ZNF503: variants seen among roughly 807,000 people sequenced by gnomAD.
ZNF503 encodes the protein zinc finger protein 503.
A neutral mutation model predicts 34.4 loss-of-function variants in ZNF503; 15 were observed. The ratio of observed to expected loss-of-function variants is 0.44; its 90% confidence interval spans 0.29 to 0.67. The LOEUF (loss-of-function observed/expected upper bound fraction) is 0.67, where lower values mean the gene tolerates loss of function less well. Among genes scored for constraint, ZNF503 ranks in the 30% least tolerant of loss-of-function variants. The pLI is 0.13. For synonymous variants in ZNF503, 580 were observed against 456.8 expected (o/e 1.27, Z -3.44); for missense variants, 1,007 against 926.8 (o/e 1.09, Z -1.12).
chr10:75,394,997 T>G (rs919684985), downstream of ZNF503, among the ~76,000 whole-genome samples: 1 of 152,330 alleles, frequency 6.6e-6, no homozygotes. Context: ...GGCCTGGGCC[T>G]TATCCGCCAG....
At position 75,399,948 on chromosome 10, in the gene ZNF503, C is replaced by T. The variant is rs1313948614; in HGVS notation, c.742G>A (p.Ala248Thr). ...PGGMLSSAGG[A>T]PEGKDDKKDT... ...TTCTTGTCGTCCTTGCCCTCCGGGGCACCCCCGGCCGAGGACAGCATACCT... is the reference window on the plus strand; with the variant it reads ...TTCTTGTCGTCCTTGCCCTCCGGGGTACCCCCGGCCGAGGACAGCATACCT... The change falls in exon 2 of 2, where the codon GCC (alanine) becomes ACC (threonine). Residue 248 changes from alanine (A) to threonine (T), a missense_variant. Physicochemically the swap from Ala to Thr is moderately conservative, Grantham distance 58. Coordinates refer to ENST00000372524, the MANE Select transcript of ZNF503 (RefSeq NM_032772.6). 6.2e-7 allele frequency: 1 copy of T among 1,606,148 alleles called. No homozygotes were observed. The highest frequency in any genetic ancestry group is 1.1e-5 in the South Asian group (1 of 90,872).
the ZNF503 span, among the ~76,000 whole-genome samples, chr10:75,293,901 G>A: frequency 2.4e-4 from 37 of 152,332 alleles, no homozygotes; most frequent in South Asian, 7.5e-3. Context: ...AATTCTCATG[G>A]CTGCGACTAG....
chr10:75,341,187 G>A, the ZNF503 span, among the ~76,000 whole-genome samples: 1 of 152,124 alleles, frequency 6.6e-6, no homozygotes, highest in Non-Finnish European at 1.5e-5. Flanking sequence ...GTGCTTAGAG[G>A]TAGAAAAACT....
At chr10:75,335,729 G>A in the ZNF503 span, among the ~76,000 whole-genome samples, 1 of 152,180 alleles carries the variant, frequency 6.6e-6, no homozygotes, top group South Asian at 2.1e-4. Flanking sequence ...AGAAGCTGAT[G>A]GTTTATCTCT....
the ZNF503 span, among the ~76,000 whole-genome samples, chr10:75,348,754 C>T: frequency 1.8e-3 from 273 of 150,404 alleles, no homozygotes; most frequent in Non-Finnish European, 3.2e-3. Flanking sequence ...CCTCGTGATC[C>T]GCCCGCCTCA....
chr10:75,364,007 G>A, the ZNF503 span, among the ~76,000 whole-genome samples: 1 of 152,142 alleles, frequency 6.6e-6, no homozygotes, highest in Non-Finnish European at 1.5e-5. Flanking sequence ...TTGTCTTTAG[G>A]TGCAAGCATT....
In ZNF503 at chr10:75,399,564, G is replaced by A. The variant is rs1433774329; in HGVS notation, c.1126C>T (p.Pro376Ser). The A allele has an allele frequency of 6.3e-7, 1 of 1,596,072 alleles. No homozygotes were observed. Among genetic ancestry groups the A allele is most frequent in the Non-Finnish European group, 8.5e-7 (1 of 1,178,920 alleles). Residue 376 changes from proline (P) to serine (S), a missense_variant, in exon 2 of 2, where the codon CCA becomes TCA. Pro to Ser is a moderately conservative substitution (Grantham distance 74). Transcript: ENST00000372524. Reference protein sequence around the residue: ...AYAGYPPQFLPHGVALDPTKP... With the variant: ...AYAGYPPQFLSHGVALDPTKP... ...GTGGGGTCAAGTGCCACGCCGTGTG[G>A]CAGGAACTGGGGCGGGTAGCCGGCG...
the ZNF503 span, among the ~76,000 whole-genome samples, chr10:75,384,384 C>A: frequency 6.6e-6 from 1 of 152,066 alleles, no homozygotes; most frequent in African/African-American, 2.4e-5. Context: ...ACACACTTTC[C>A]CATATGGACT....
chr10:75,283,640 C>A, the ZNF503 span, among the ~76,000 whole-genome samples: 1 of 152,086 alleles, frequency 6.6e-6, no homozygotes, highest in East Asian at 1.9e-4. Context: ...ACCGCCCCCA[C>A]CCCTACCCCA....
At chr10:75,397,351 T>TC (rs1843713351), downstream of ZNF503, among the ~76,000 whole-genome samples, 2 of 151,872 alleles carry the variant, frequency 1.3e-5, no homozygotes, top group Non-Finnish European at 2.9e-5. Flanking sequence ...GGACACAGGT[T>TC]CCCCCAGCGC....
chr10:75,380,764 C>T, the ZNF503 span, among the ~76,000 whole-genome samples: 142 of 152,246 alleles, frequency 9.3e-4, no homozygotes, highest in African/African-American at 3.3e-3. Flanking sequence ...TACCAAGAGA[C>T]AAAGGGGAAA....
the ZNF503 span, among the ~76,000 whole-genome samples, chr10:75,377,390 T>C: frequency 6.6e-6 from 1 of 152,240 alleles, no homozygotes; most frequent in South Asian, 2.1e-4. Context: ...ATTTACTCTC[T>C]GCTTCATTTC....
chr10:75,393,192 G>A (rs1233746526), downstream of ZNF503, among the ~76,000 whole-genome samples: 1 of 152,164 alleles, frequency 6.6e-6, no homozygotes, highest in African/African-American at 2.4e-5. Flanking sequence ...TAGTACCTTC[G>A]GGAGTTTTGG....
the ZNF503 span, among the ~76,000 whole-genome samples, chr10:75,329,614 C>G: frequency 6.6e-6 from 1 of 151,984 alleles, no homozygotes; most frequent in Non-Finnish European, 1.5e-5. Context: ...TACAGGCATG[C>G]ACTACCACAC....
the ZNF503 span, among the ~76,000 whole-genome samples, chr10:75,299,691 AAG>A: frequency 6.6e-6 from 1 of 152,144 alleles, no homozygotes; most frequent in East Asian, 1.9e-4. Context: ...CAGAGTACAA[AAG>A]AGAGAAATTT....
chr10:75,349,612 G>A, the ZNF503 span, among the ~76,000 whole-genome samples: 4 of 152,184 alleles, frequency 2.6e-5, no homozygotes, highest in Non-Finnish European at 2.9e-5. Context: ...AGGACAGGCC[G>A]GGATTAGGTC....
chr10:75,310,305 G>A, the ZNF503 span, among the ~76,000 whole-genome samples: 1 of 152,182 alleles, frequency 6.6e-6, no homozygotes, highest in South Asian at 2.1e-4. Flanking sequence ...ATGATCTGGT[G>A]AGCTCTCTAC....
At chr10:75,348,925 A>C in the ZNF503 span, among the ~76,000 whole-genome samples, 2 of 151,822 alleles carry the variant, frequency 1.3e-5, no homozygotes, top group Non-Finnish European at 2.9e-5. Context: ...CTATATATTC[A>C]CCTAATATAC....
At chr10:75,327,932 T>TA in the ZNF503 span, among the ~76,000 whole-genome samples, 2 of 147,650 alleles carry the variant, frequency 1.4e-5, no homozygotes, top group African/African-American at 2.6e-5. Context: ...TTTGCCCATT[T>TA]AAAAATCAAA....
Sources: gnomAD v4.1 joint callset for allele counts (sites outside exome capture counted in the v4.1 genomes callset) on GRCh38, gnomAD v4.1.1 for gene constraint, MANE v1.5 for transcripts, NCBI Gene and HGNC (gene_info 2026-07-23, HGNC 2026-07-21) for gene names.